The following CNTNAP5 variants were observed in gnomAD, a reference collection of about 807,000 sequenced individuals.
CNTNAP5 encodes the protein contactin associated protein family member 5, also known as contactin-associated protein-like 5.
Under a neutral mutation model 150.2 loss-of-function variants are expected in CNTNAP5, and 72 were observed. The ratio of observed to expected loss-of-function variants is 0.48; its 90% CI spans 0.40 to 0.58. The LOEUF (loss-of-function observed/expected upper bound fraction) is 0.58. Among genes scored for constraint, CNTNAP5 ranks in the 20% least tolerant of loss-of-function variants. CNTNAP5 has a pLI of 0.00. For synonymous variants in CNTNAP5, 672 were observed against 619.8 expected, an observed-to-expected ratio of 1.08 and a Z score of -1.25; for missense variants, 1,636 against 1,626.2, an observed-to-expected ratio of 1.01 and a Z score of -0.10.
chr2:124,028,885 T>C (rs1316004356), intron 1 of CNTNAP5, among the ~76,000 whole-genome samples: 1 of 152,106 alleles, frequency 6.6e-6, no homozygotes, highest in Non-Finnish European at 1.5e-5. Context: ...GGTAAATATG[T>C]TACTGAGAAA....
At chr2:124,524,879 C>G (rs534307714) in intron 9 of CNTNAP5, among the ~76,000 whole-genome samples, 1 of 152,196 alleles carries the variant, frequency 6.6e-6, no homozygotes, top group East Asian at 1.9e-4. Flanking sequence ...CCAGGCCCTT[C>G]CTCTGCCACT....
chr2:124,336,915 G>A (rs1299235351), intron 3 of CNTNAP5, among the ~76,000 whole-genome samples: 1 of 152,070 alleles, frequency 6.6e-6, no homozygotes, highest in African/African-American at 2.4e-5. Flanking sequence ...GGGTCAAATG[G>A]TATTTCTAGT....
At chr2:124,798,513 T>A (rs1681897141) in intron 19 of CNTNAP5, among the ~76,000 whole-genome samples, 193 bp downstream of exon 19, 1 of 152,222 alleles carries the variant, frequency 6.6e-6, no homozygotes, top group East Asian at 1.9e-4. Context: ...CAGTGTCAAT[T>A]CACTGCTGAA....
intron 1 of CNTNAP5, among the ~76,000 whole-genome samples, chr2:124,214,669 A>G (rs962654639): frequency 1.3e-5 from 2 of 152,324 alleles, no homozygotes; most frequent in Non-Finnish European, 1.5e-5. Flanking sequence ...TCCCAGACCA[A>G]TGGTCTTTTG....
At chr2:124,814,442 A>G (rs1366717605) in intron 19 of CNTNAP5, among the ~76,000 whole-genome samples, 1 of 152,082 alleles carries the variant, frequency 6.6e-6, no homozygotes, top group Non-Finnish European at 1.5e-5. Context: ...CACTGCTATG[A>G]TCTGAATTCC....
intron 21 of CNTNAP5, among the ~76,000 whole-genome samples, chr2:124,898,429 C>T (rs374089598): frequency 6.6e-6 from 1 of 151,490 alleles, no homozygotes; most frequent in Non-Finnish European, 1.5e-5. Flanking sequence ...CTATCACTCT[C>T]TTCCTGTAAA....
At chr2:124,812,879 A>C (rs1040847437) in intron 19 of CNTNAP5, among the ~76,000 whole-genome samples, 10 of 152,114 alleles carry the variant, frequency 6.6e-5, no homozygotes, top group African/African-American at 2.2e-4. Flanking sequence ...GTCGTGATCT[A>C]TGATCACTCA....
chr2:124,674,044 T>C (rs954080029), intron 13 of CNTNAP5, among the ~76,000 whole-genome samples: 25 of 152,250 alleles, frequency 1.6e-4, no homozygotes, highest in African/African-American at 5.8e-4. Context: ...TTCACCACAA[T>C]GTCCCAAACC....
intron 3 of CNTNAP5, among the ~76,000 whole-genome samples, chr2:124,361,968 G>T (rs1282302231): frequency 1.3e-5 from 2 of 152,208 alleles, no homozygotes; most frequent in East Asian, 3.9e-4. Context: ...GAGACTTCGT[G>T]GGCGTAGGAC....
intron 16 of CNTNAP5, among the ~76,000 whole-genome samples, chr2:124,767,108 G>A (rs1681084503): frequency 6.6e-6 from 1 of 152,124 alleles, no homozygotes; most frequent in Non-Finnish European, 1.5e-5. Context: ...AGGGTTCATG[G>A]CAAGAAACCT....
chr2:124,247,916 G>A (rs376978781), intron 3 of CNTNAP5, among the ~76,000 whole-genome samples: 6 of 152,124 alleles, frequency 3.9e-5, no homozygotes, highest in Admixed American at 3.9e-4. Context: ...TATTTGTCAG[G>A]ATTTTTTAAA....
intron 1 of CNTNAP5, among the ~76,000 whole-genome samples, chr2:124,188,225 C>T (rs1355608740): frequency 1.3e-5 from 2 of 152,004 alleles, no homozygotes; most frequent in Non-Finnish European, 2.9e-5. Context: ...CAACGATTCA[C>T]CATAGAAAAC....
At chr2:124,156,038 A>T (rs554316224) in intron 1 of CNTNAP5, among the ~76,000 whole-genome samples, 1 of 152,320 alleles carries the variant, frequency 6.6e-6, no homozygotes, top group South Asian at 2.1e-4. Context: ...AAGTGCATCT[A>T]AAAAAGGGTT....
intron 3 of CNTNAP5, among the ~76,000 whole-genome samples, chr2:124,324,130 C>T (rs571731695): frequency 7.9e-5 from 12 of 152,280 alleles, no homozygotes; most frequent in African/African-American, 1.9e-4. Flanking sequence ...GAGGATGTAG[C>T]GTGAACCAGA....
intron 12 of CNTNAP5, among the ~76,000 whole-genome samples, chr2:124,642,820 T>A (rs1321147145): frequency 2.0e-5 from 3 of 152,236 alleles, no homozygotes; most frequent in South Asian, 4.1e-4. Context: ...AAATGAATTA[T>A]GCATTTCATG....
intron 23 of CNTNAP5, among the ~76,000 whole-genome samples, chr2:124,911,769 T>C (rs1203070628): frequency 6.6e-6 from 1 of 152,104 alleles, no homozygotes; most frequent in Non-Finnish European, 1.5e-5. Flanking sequence ...ATGAGGCAGC[T>C]GAGCACTGAG....
chr2:124,028,140 G>A (rs74674622), intron 1 of CNTNAP5, among the ~76,000 whole-genome samples: 6,565 of 152,088 alleles, frequency 0.043, 180 homozygotes, highest in Non-Finnish European at 0.063. Context: ...GTAATATGTC[G>A]TGACATTTGT....
intron 14 of CNTNAP5, among the ~76,000 whole-genome samples, chr2:124,759,356 A>G (rs1170638521): frequency 6.8e-6 from 1 of 147,058 alleles, no homozygotes; most frequent in African/African-American, 2.5e-5. Flanking sequence ...CATTATATAT[A>G]TATTCATTAT....
chr2:124,249,102 C>G (rs187537257), intron 3 of CNTNAP5, among the ~76,000 whole-genome samples: 4 of 152,228 alleles, frequency 2.6e-5, no homozygotes, highest in African/African-American at 9.6e-5. Context: ...AAATTCCTAC[C>G]TAAGGGGTCT....
Sources: gnomAD v4.1 joint callset for allele counts (sites outside exome capture counted in the v4.1 genomes callset) on GRCh38, gnomAD v4.1.1 for gene constraint, MANE v1.5 for transcripts, NCBI Gene and HGNC (gene_info 2026-07-23, HGNC 2026-07-21) for gene names.